Variants in FARP1 observed in about 807,000 individuals in gnomAD.
FARP1 encodes FERM, ARHGEF and pleckstrin domain-containing protein 1.
FARP1 carries 52 observed loss-of-function variants against 128.8 expected under a neutral mutation model. That is an observed-to-expected ratio of 0.40 (90% CI 0.32 to 0.51). The LOEUF (loss-of-function observed/expected upper bound fraction) is 0.51. FARP1 is among the 20% of genes least tolerant of loss of function. The probability of loss-of-function intolerance (pLI) is 0.45; values close to 1 mark genes in which losing one functional copy is unlikely to be tolerated. For synonymous variants in FARP1, 580 were observed against 551.8 expected, an observed-to-expected ratio of 1.05 and a Z score of -0.72; for missense variants, 1,333 against 1,367.9, an observed-to-expected ratio of 0.97 and a Z score of 0.40.
intron 2 of FARP1, among the ~76,000 whole-genome samples, chr13:98,257,859 A>G (rs541552071): frequency 1.2e-4 from 18 of 152,336 alleles, no homozygotes; most frequent in Non-Finnish European, 2.5e-4. Context: ...ATTTGCTACT[A>G]TGTTTTATGT....
intron 1 of FARP1, among the ~76,000 whole-genome samples, chr13:98,208,358 A>G (rs907929988): frequency 1.3e-5 from 2 of 151,288 alleles, no homozygotes; most frequent in African/African-American, 2.4e-5. Flanking sequence ...GGCATCTGTA[A>G]TCCCAGCTAC....
chr13:98,363,379 TC>T (rs892316891), intron 3 of FARP1, among the ~76,000 whole-genome samples: 1 of 152,234 alleles, frequency 6.6e-6, no homozygotes, highest in Non-Finnish European at 1.5e-5. Context: ...TATAGAATTT[TC>T]TGCATATTGT....
chr13:98,287,040 T>C (rs1249484078), intron 2 of FARP1, among the ~76,000 whole-genome samples: 1 of 152,150 alleles, frequency 6.6e-6, no homozygotes, highest in Non-Finnish European at 1.5e-5. Context: ...TTTCATGACA[T>C]GCTCCCAATA....
Position 98,172,994 on chromosome 13 carries a change from A to G in FARP1, c.-24+29502A>G, listed in dbSNP as rs1481065290. Reference sequence around the variant, plus strand: ...TATAATCACATTTTGAAAAATGTGCAGTAGATAAGTGGGGAAATACGCATT... The same window carrying G: ...TATAATCACATTTTGAAAAATGTGCGGTAGATAAGTGGGGAAATACGCATT... On this transcript the variant is annotated intron_variant, in intron 1 of 26. Coordinates refer to ENST00000319562, the MANE Select transcript of FARP1 (RefSeq NM_005766.4). 3.9e-5 allele frequency among the ~76,000 whole-genome samples: 6 copies of G among 152,218 alleles called. No homozygotes were observed. In the South Asian group the frequency reaches 8.3e-4, roughly 21 times the overall value.
intron 2 of FARP1, chr13:98,244,922 G>A: frequency 6.5e-6 from 9 of 1,378,158 alleles, no homozygotes; most frequent in Non-Finnish European, 7.5e-6. Context: ...GGCTTGGTTT[G>A]ATCTACTAGA....
intron 2 of FARP1, among the ~76,000 whole-genome samples, chr13:98,321,402 C>A (rs1886986459): frequency 6.6e-6 from 1 of 152,162 alleles, no homozygotes; most frequent in African/African-American, 2.4e-5. Flanking sequence ...CACGCTTAGA[C>A]AAATGGTTGT....
intron 1 of FARP1, among the ~76,000 whole-genome samples, chr13:98,151,669 T>C (rs1594202496): frequency 8.4e-6 from 1 of 119,024 alleles, no homozygotes; most frequent in Admixed American, 9.6e-5. Context: ...TCTTTTTTTT[T>C]TTTTTTTTTT....
chr13:98,281,128 G>A (rs960212116), intron 2 of FARP1, among the ~76,000 whole-genome samples: 2 of 152,176 alleles, frequency 1.3e-5, no homozygotes, highest in African/African-American at 4.8e-5. Flanking sequence ...GGCCGAGGTG[G>A]GCAGATCATG....
intron 3 of FARP1, among the ~76,000 whole-genome samples, chr13:98,352,090 A>G (rs1362808269): frequency 6.6e-6 from 1 of 152,194 alleles, no homozygotes; most frequent in Non-Finnish European, 1.5e-5. Context: ...GCCGTACATA[A>G]AGACAGCTAC....
At chr13:98,312,085 G>A (rs554927223) in intron 2 of FARP1, among the ~76,000 whole-genome samples, 6 of 144,238 alleles carry the variant, frequency 4.2e-5, no homozygotes, top group Middle Eastern at 3.8e-3. Context: ...TACCTAAGGC[G>A]ATCTGCCTGC....
intron 2 of FARP1, among the ~76,000 whole-genome samples, chr13:98,280,008 G>T (rs529675420): frequency 6.6e-6 from 1 of 152,168 alleles, no homozygotes; most frequent in Non-Finnish European, 1.5e-5. Context: ...CCAGGGGGAG[G>T]TAACCATTGC....
chr13:98,447,106 A>C, intron 26 of FARP1: 1 of 355,160 alleles, frequency 2.8e-6, no homozygotes, highest in Non-Finnish European at 5.3e-6. Flanking sequence ...GCTAAGCCCC[A>C]GTGAGACTGC....
intron 3 of FARP1, among the ~76,000 whole-genome samples, chr13:98,348,910 C>T (rs1181901643): frequency 1.3e-5 from 2 of 152,188 alleles, no homozygotes; most frequent in East Asian, 1.9e-4. Context: ...AGAGAAGTAA[C>T]GTGCCCAGTC....
At chr13:98,161,468 C>T (rs950863957) in intron 1 of FARP1, among the ~76,000 whole-genome samples, 6 of 152,042 alleles carry the variant, frequency 3.9e-5, no homozygotes, top group African/African-American at 9.7e-5. Context: ...CCGCCCGCCT[C>T]GGCCTTCCAA....
intron 6 of FARP1, among the ~76,000 whole-genome samples, chr13:98,381,921 G>T (rs1397907190): frequency 6.6e-6 from 1 of 152,184 alleles, no homozygotes; most frequent in Non-Finnish European, 1.5e-5. Flanking sequence ...GGGAGACCCA[G>T]GCAGGAGGAT....
chr13:98,179,859 A>AAAAAC (rs113820383), intron 1 of FARP1, among the ~76,000 whole-genome samples: 26,275 of 151,448 alleles, frequency 0.17, 2,568 homozygotes, highest in Middle Eastern at 0.24. Context: ...TCCATCTCAA[A>AAAAAC]AAAACAAAAC....
intron 3 of FARP1, among the ~76,000 whole-genome samples, chr13:98,345,267 G>A (rs1193782278): frequency 6.6e-6 from 1 of 152,108 alleles, no homozygotes; most frequent in Non-Finnish European, 1.5e-5. Context: ...TTCCAGTCCT[G>A]CAGGAGCTGT....
At chr13:98,229,714 A>G (rs368786871) in intron 2 of FARP1, among the ~76,000 whole-genome samples, 7 of 146,800 alleles carry the variant, frequency 4.8e-5, no homozygotes, top group East Asian at 4.0e-4. Context: ...TAAAGATGGC[A>G]TCTTGCTTTG....
intron 1 of FARP1, among the ~76,000 whole-genome samples, chr13:98,164,466 ATTCT>A (rs1309172763): frequency 3.9e-5 from 6 of 152,282 alleles, no homozygotes; most frequent in South Asian, 4.1e-4. Flanking sequence ...AAGCCTTTTA[ATTCT>A]TTCTAATTGA....
Sources: gnomAD v4.1 joint callset for allele counts (sites outside exome capture counted in the v4.1 genomes callset) on GRCh38, gnomAD v4.1.1 for gene constraint, MANE v1.5 for transcripts, NCBI Gene and HGNC (gene_info 2026-07-23, HGNC 2026-07-21) for gene names.